BST1: variants seen among roughly 807,000 people sequenced by gnomAD.
The protein encoded by BST1 is ADP-ribosyl cyclase/cyclic ADP-ribose hydrolase 2.
A neutral mutation model predicts 40.6 loss-of-function variants in BST1; 49 were observed. The observed-to-expected ratio is 1.21, with a 90% CI of 0.96 to 1.53. BST1 has a LOEUF of 1.53. BST1 is among the 40% of genes most tolerant of loss of function. BST1 has a pLI of 0.00. For synonymous variants in BST1, 157 were observed against 159.3 expected (o/e 0.99, Z 0.11); for missense variants, 423 against 395.9 (o/e 1.07, Z -0.58).
At chr4:15,706,624 T>C in intron 2 of BST1, among the ~76,000 whole-genome samples, 1 of 152,230 alleles carries the variant, frequency 6.6e-6, no homozygotes. Flanking sequence ...ATTGTTAACC[T>C]GATTTTTTCC....
At chr4:15,740,461 G>A (rs1721717047), downstream of BST1, among the ~76,000 whole-genome samples, 2 of 152,146 alleles carry the variant, frequency 1.3e-5, no homozygotes, top group South Asian at 4.1e-4. Context: ...TATCGGGAGA[G>A]GAGGCTTTCC....
intron 3 of BST1, 134 bp downstream of exon 3, chr4:15,707,780 A>G (rs1240003629): frequency 2.7e-6 from 3 of 1,106,222 alleles, no homozygotes; most frequent in Non-Finnish European, 3.8e-6. Context: ...TGGCAAGAAT[A>G]GTTAATAATA....
At position 15,726,944 on chromosome 4, in the gene BST1, C is replaced by T. The variant is rs142048417; in HGVS notation, c.851+4010C>T. Among the ~76,000 whole-genome samples the T allele has an allele frequency of 3.3e-3, 487 of 149,686 alleles. 2 individuals are homozygous for T. The highest frequency in any genetic ancestry group is 5.1e-3 in the Non-Finnish European group (348 of 67,682). On this transcript the variant is annotated intron_variant, in intron 8 of 8. Coordinates refer to ENST00000265016, the MANE Select transcript of BST1 (RefSeq NM_004334.3). ...GGAGTGCAGTGGCGTGATCTCGGCT[C>T]ACTGCACCCTCCGCCTCCCGGGTTC...
At chr4:15,743,241 C>A, downstream of BST1, 1 of 203,844 alleles carries the variant, frequency 4.9e-6, no homozygotes. Context: ...CTTCACAGAG[C>A]TTCAAGACAA....
At chr4:15,755,285 T>A in the BST1 span, among the ~76,000 whole-genome samples, 1 of 152,030 alleles carries the variant, frequency 6.6e-6, no homozygotes, top group African/African-American at 2.4e-5. Flanking sequence ...ATTACAGGTG[T>A]GCACCACCAC....
rs529894142 is a variant in BST1 at position 15,705,599 on chromosome 4, C to T, written c.273C>T (p.Asp91=). 1 of 1,614,058 alleles carries T rather than the reference C, an allele frequency of 6.2e-7. No individual in the cohort carries two copies. The highest frequency in any genetic ancestry group is 1.1e-5 in the South Asian group (1 of 91,084). The change falls in exon 2 of 9, where the codon GAC becomes GAT. Residue 91 remains aspartate, a synonymous_variant. Coordinates refer to ENST00000265016, the MANE Select transcript of BST1 (RefSeq NM_004334.3). ...DPCSVLPSDY[D]LFINLSRHSI... ...GCTCCGTGCTGCCCTCAGACTATGA[C>T]CTTTTTATTAACTTGTCCAGGCACT...
chr4:15,749,401 G>A, the BST1 span, among the ~76,000 whole-genome samples: 43 of 152,230 alleles, frequency 2.8e-4, no homozygotes, highest in Admixed American at 4.6e-4. Flanking sequence ...TGTTGTTGTC[G>A]TTGTTGTTAT....
intron 8 of BST1, chr4:15,731,279 T>C (rs1721356943): frequency 2.0e-6 from 1 of 507,482 alleles, no homozygotes; most frequent in Non-Finnish European, 3.5e-6. Flanking sequence ...ATCTGCTTGA[T>C]CAGAGACTCT....
rs1720482847 is a variant in BST1, at chr4:15,715,776, G to A, written c.681G>A (p.Met227Ile). Reference protein sequence around the residue: ...EKITRIEIWVMHEIGGPNVES... With the variant: ...EKITRIEIWVIHEIGGPNVES... ...TTACACGAATCGAGATCTGGGTTAT[G>A]CATGAAATTGGGGGACCCAATGTGT... is the stretch of plus-strand genomic sequence containing the variant. The change falls in exon 6 of 9, where the codon ATG (methionine) becomes ATA (isoleucine). Residue 227 changes from methionine (M) to isoleucine (I), a missense_variant. By Grantham distance (10) the Met-to-Ile change is conservative. Transcript: ENST00000265016. 2 of 1,593,912 alleles carry A rather than the reference G, an allele frequency of 1.3e-6. No individual in the cohort carries two copies. The highest frequency in any genetic ancestry group is 1.8e-5 in the Admixed American group (1 of 54,628).
downstream of BST1, chr4:15,743,211 A>G (rs1260880019): frequency 4.9e-5 from 8 of 162,254 alleles, no homozygotes. Context: ...TCAGACACCA[A>G]GATGGTAACC....
chr4:15,732,054 C>A lies in BST1; in HGVS notation c.*209C>A. 7.9e-7 allele frequency: 1 copy of A among 1,259,050 alleles called. No individual in the cohort carries two copies. Among genetic ancestry groups the A allele is most frequent in the African/African-American group, 1.5e-5 (1 of 64,996 alleles). 78.0% of individuals were successfully genotyped at this position (1,259,050 alleles called of 1,614,324 possible). On this transcript the variant is annotated 3_prime_UTR_variant, in exon 9 of 9. Transcript: ENST00000265016. ...CTATTTAGCAGGTTAAAAAATGCTG[C>A]ATTAGAATTAAAGCAAGTTATTTTC...
At chr4:15,730,056 A>C (rs918032745) in intron 8 of BST1, among the ~76,000 whole-genome samples, 1 of 152,220 alleles carries the variant, frequency 6.6e-6, no homozygotes, top group African/African-American at 2.4e-5. Context: ...TTTTGAGTGA[A>C]TCGAGTCTGG....
chr4:15,773,711 G>A, the BST1 span, among the ~76,000 whole-genome samples: 9 of 152,284 alleles, frequency 5.9e-5, no homozygotes, highest in South Asian at 2.1e-4. Flanking sequence ...CAGGAGGATC[G>A]CTTGAGCCCA....
At chr4:15,706,727 T>C (rs571733692) in intron 2 of BST1, among the ~76,000 whole-genome samples, 1 of 152,360 alleles carries the variant, frequency 6.6e-6, no homozygotes, top group South Asian at 2.1e-4. Flanking sequence ...ATGCTGTCTT[T>C]TGAACCTTGC....
the BST1 span, among the ~76,000 whole-genome samples, chr4:15,759,663 T>A: frequency 6.6e-6 from 1 of 151,758 alleles, no homozygotes; most frequent in Non-Finnish European, 1.5e-5. Flanking sequence ...AGCGTATGAC[T>A]ATTCTGCCAA....
intron 8 of BST1, among the ~76,000 whole-genome samples, chr4:15,723,267 G>A (rs1470950799): frequency 1.3e-5 from 2 of 152,044 alleles, no homozygotes; most frequent in Non-Finnish European, 2.9e-5. Context: ...GGAGGCGGGG[G>A]GCAGAGTCTC....
chr4:15,760,191 T>C, the BST1 span, among the ~76,000 whole-genome samples: 1 of 151,998 alleles, frequency 6.6e-6, no homozygotes, highest in Non-Finnish European at 1.5e-5. Context: ...ATATGTTACT[T>C]CTTGTGACTA....
chr4:15,723,561 A>C (rs1720941802), intron 8 of BST1: 3 of 985,300 alleles, frequency 3.0e-6, no homozygotes, highest in South Asian at 9.4e-5. Context: ...ACCACCTTTT[A>C]TGTAATCCTT....
the BST1 span, among the ~76,000 whole-genome samples, chr4:15,762,792 C>G: frequency 6.6e-6 from 1 of 152,054 alleles, no homozygotes; most frequent in South Asian, 2.1e-4. Flanking sequence ...TAAGTGCAAT[C>G]ATATAGTATT....
Sources: allele counts gnomAD v4.1 joint callset (sites outside exome capture counted in the v4.1 genomes callset), GRCh38; gene constraint gnomAD v4.1.1; transcripts MANE v1.5; gene names NCBI Gene and HGNC (gene_info 2026-07-23, HGNC 2026-07-21).